DENND2C: variants seen among roughly 807,000 people sequenced by gnomAD.
The protein encoded by DENND2C is DENN domain-containing protein 2C.
Under a neutral mutation model 112.4 loss-of-function variants are expected in DENND2C, and 72 were observed. The ratio of observed to expected loss-of-function variants is 0.64; its 90% confidence interval spans 0.53 to 0.78. The LOEUF is 0.78. Among genes scored for constraint, DENND2C ranks in the 30% least tolerant of loss-of-function variants. The probability of loss-of-function intolerance (pLI) is 0.00; values close to 1 mark genes in which losing one functional copy is unlikely to be tolerated. For missense variants in DENND2C, 992 were observed against 1,113.8 expected (o/e 0.89, Z 1.56); for synonymous variants, 329 against 381.6 (o/e 0.86, Z 1.61).
At chr1:114,635,823 A>G (rs12044540) in intron 3 of DENND2C, among the ~76,000 whole-genome samples, 2 of 152,154 alleles carry the variant, frequency 1.3e-5, no homozygotes, top group East Asian at 3.9e-4. Flanking sequence ...CCTAGGGAAC[A>G]TGGTGAAACC....
At chr1:114,601,655 AT>A in intron 12 of DENND2C, 70 bp from the exon 13 acceptor site, 1 of 1,371,954 alleles carries the variant, frequency 7.3e-7, no homozygotes, top group Admixed American at 1.8e-5. Context: ...AATTTGGACT[AT>A]TAATTATCTT....
intron 2 of DENND2C, among the ~76,000 whole-genome samples, chr1:114,650,256 G>A (rs538913107): frequency 1.3e-5 from 2 of 152,112 alleles, no homozygotes; most frequent in South Asian, 4.1e-4. Context: ...CCAGGAGGCG[G>A]AGGTTGCAGT....
chr1:114,650,715 TA>T lies in DENND2C; in HGVS notation c.-317+3789del, dbSNP rs1657135705. ...AAAAAAGAATTTCAGACTACAGACA[TA>T]ACAGGCTTTCTTAAGAAACACACAT... On this transcript the variant is annotated intron_variant, in intron 2 of 20. Transcript: ENST00000393274. Among the ~76,000 whole-genome samples the T allele has an allele frequency of 2.2e-5, 3 of 137,346 alleles. No homozygotes were observed. The South Asian group carries it at 7.2e-4, about 33-fold the overall frequency. 90.1% of individuals were successfully genotyped at this position (137,346 alleles called of 152,430 possible).
At chr1:114,657,381 C>T (rs1657363738) in intron 1 of DENND2C, among the ~76,000 whole-genome samples, 1 of 152,168 alleles carries the variant, frequency 6.6e-6, no homozygotes, top group African/African-American at 2.4e-5. Flanking sequence ...GCTTTATAAA[C>T]TCCAAAACAT....
At chr1:114,612,293 T>C (rs767428346) in intron 8 of DENND2C, among the ~76,000 whole-genome samples, 50 of 152,140 alleles carry the variant, frequency 3.3e-4, no homozygotes, top group Admixed American at 5.2e-4. Flanking sequence ...TTTCAAATGA[T>C]GTTTGTAGAA....
chr1:114,627,229 A>G (rs1026408493), intron 3 of DENND2C, among the ~76,000 whole-genome samples: 1 of 152,146 alleles, frequency 6.6e-6, no homozygotes, highest in Non-Finnish European at 1.5e-5. Context: ...CCGTTTCCTT[A>G]TATGTAAGCT....
intron 2 of DENND2C, among the ~76,000 whole-genome samples, chr1:114,653,834 C>G (rs1310809595): frequency 1.3e-5 from 2 of 151,828 alleles, no homozygotes; most frequent in Non-Finnish European, 2.9e-5. Flanking sequence ...GACAAATTGA[C>G]AAAGATATAT....
chr1:114,620,726 CA>C (rs1462111722), intron 7 of DENND2C, among the ~76,000 whole-genome samples: 2 of 151,994 alleles, frequency 1.3e-5, no homozygotes, highest in Admixed American at 6.6e-5. Context: ...TAAACAGTTA[CA>C]TTTTTTTTTT....
intron 16 of DENND2C, among the ~76,000 whole-genome samples, chr1:114,596,892 C>T (rs1202282554): frequency 1.3e-5 from 2 of 151,828 alleles, no homozygotes; most frequent in Non-Finnish European, 2.9e-5. Flanking sequence ...ATTATACACA[C>T]AAAAATCAAG....
chr1:114,597,185 A>G (rs1452092628), intron 16 of DENND2C, among the ~76,000 whole-genome samples: 1 of 152,080 alleles, frequency 6.6e-6, no homozygotes, highest in Non-Finnish European at 1.5e-5. Flanking sequence ...GGCTCACTCC[A>G]GTAATCCCAG....
intron 3 of DENND2C, among the ~76,000 whole-genome samples, chr1:114,634,712 G>A (rs999853455): frequency 6.6e-5 from 10 of 152,094 alleles, no homozygotes; most frequent in African/African-American, 1.9e-4. Context: ...CAATAAGTGA[G>A]GATACTACTT....
chr1:114,642,433 A>T (rs1656866681), intron 3 of DENND2C, among the ~76,000 whole-genome samples: 2 of 152,234 alleles, frequency 1.3e-5, no homozygotes, highest in African/African-American at 2.4e-5. Flanking sequence ...AGCAGTCCAA[A>T]GTTAGAATGT....
chr1:114,600,700 AAC>A (rs1655476126), intron 14 of DENND2C, 118 bp downstream of exon 14: 16 of 1,307,936 alleles, frequency 1.2e-5, no homozygotes, highest in Non-Finnish European at 1.7e-5. Context: ...ATGGAAATAA[AAC>A]ATATTCTTTA....
intron 1 of DENND2C, among the ~76,000 whole-genome samples, chr1:114,668,424 A>C (rs757568295): frequency 7.2e-5 from 11 of 152,084 alleles, no homozygotes; most frequent in Non-Finnish European, 1.3e-4. Context: ...ATTTAAAAGT[A>C]ATATAATTTC....
chr1:114,614,343 A>G (rs772214780), intron 8 of DENND2C, among the ~76,000 whole-genome samples: 6 of 152,164 alleles, frequency 3.9e-5, no homozygotes, highest in Non-Finnish European at 7.4e-5. Context: ...GGCATTGTTG[A>G]TATACAGACA....
intron 11 of DENND2C, among the ~76,000 whole-genome samples, chr1:114,604,659 CTT>C (rs35947354): frequency 6.9e-6 from 1 of 145,762 alleles, no homozygotes; most frequent in African/African-American, 2.5e-5. Flanking sequence ...TAAAATAGAA[CTT>C]TTTTTTTTTT....
intron 4 of DENND2C, among the ~76,000 whole-genome samples, chr1:114,624,039 T>C (rs567716783): frequency 6.6e-6 from 1 of 152,290 alleles, no homozygotes; most frequent in East Asian, 1.9e-4. Flanking sequence ...TTTAAATTGG[T>C]ATGGGAGACA....
chr1:114,624,835 G>C (rs897386110), intron 4 of DENND2C, among the ~76,000 whole-genome samples: 1 of 151,928 alleles, frequency 6.6e-6, no homozygotes, highest in African/African-American at 2.4e-5. Context: ...TGGCCAGGCT[G>C]GTCTTGAACT....
intron 7 of DENND2C, among the ~76,000 whole-genome samples, chr1:114,619,854 G>A (rs1656115615): frequency 6.6e-6 from 1 of 152,168 alleles, no homozygotes; most frequent in Admixed American, 6.5e-5. Flanking sequence ...ATGCGATAAA[G>A]TGATAAATTT....
Sources: allele counts gnomAD v4.1 joint callset (sites outside exome capture counted in the v4.1 genomes callset), GRCh38; gene constraint gnomAD v4.1.1; transcripts MANE v1.5; gene names NCBI Gene and HGNC (gene_info 2026-07-23, HGNC 2026-07-21).